The following PLAC9 variants were observed in gnomAD, a reference collection of about 807,000 sequenced individuals.
PLAC9 encodes placenta associated 9, also known as placenta-specific protein 9.
In PLAC9, 12 loss-of-function variants were observed where a neutral mutation model predicts 11.5. The observed-to-expected ratio is 1.05, with a 90% CI of 0.67 to 1.69. The LOEUF (loss-of-function observed/expected upper bound fraction) is 1.69, where lower values mean the gene tolerates loss of function less well. Ranked by LOEUF, PLAC9 falls within the 40% of genes most tolerant of loss-of-function variation. PLAC9 has a pLI of 0.00. For missense variants in PLAC9, 132 were observed against 130.5 expected, an observed-to-expected ratio of 1.01 and a Z score of -0.06; for synonymous variants, 62 against 58.1, an observed-to-expected ratio of 1.07 and a Z score of -0.31.
At chr10:80,143,212 G>T (rs369612370) in intron 2 of PLAC9, among the ~76,000 whole-genome samples, 199 of 147,678 alleles carry the variant, frequency 1.3e-3, no homozygotes, top group African/African-American at 4.9e-3. Flanking sequence ...CTAATTTTTT[G>T]TACTTACCAT....
chr10:80,132,872 C>G (rs1844929419), intron 1 of PLAC9, 46 bp downstream of exon 1: 5 of 1,425,134 alleles, frequency 3.5e-6, no homozygotes, highest in African/African-American at 1.5e-5. Context: ...GCCGGGGAGA[C>G]CCGCAGATGG....
intron 2 of PLAC9, among the ~76,000 whole-genome samples, chr10:80,143,544 G>A (rs1203174572): frequency 6.7e-6 from 1 of 150,080 alleles, no homozygotes; most frequent in African/African-American, 2.5e-5. Context: ...CTACAGACGC[G>A]CACCACCATG....
Position 80,145,047 on chromosome 10 carries a change from A to T in PLAC9, c.*137A>T. The T allele has an allele frequency of 8.6e-7, 1 of 1,157,136 alleles. No individual in the cohort carries two copies. Among genetic ancestry groups the T allele is most frequent in the Non-Finnish European group, 1.3e-6 (1 of 791,632 alleles). 71.7% of individuals were successfully genotyped at this position (1,157,136 alleles called of 1,614,324 possible). On this transcript the variant is annotated 3_prime_UTR_variant, in exon 4 of 4. Transcript: ENST00000372263. Reference sequence around the variant, plus strand: ...ATTCTGGTCTCCTCTGTGTCTGCTGACAGAGTAACCCGTTTAACTACAGCC... The same window carrying T: ...ATTCTGGTCTCCTCTGTGTCTGCTGTCAGAGTAACCCGTTTAACTACAGCC...
Position 80,145,168 on chromosome 10 carries a change from T to C in PLAC9, c.*258T>C. On this transcript the variant is annotated 3_prime_UTR_variant, in exon 4 of 4. Coordinates refer to ENST00000372263, the MANE Select transcript of PLAC9 (RefSeq NM_001012973.3). ...CACTCCTGTCATTTATAGGGGCAGA[T>C]GGAGCAGGGGTTGATTCACACAGAT... 1.6e-6 allele frequency: 1 copy of C among 631,752 alleles called. No homozygotes were observed. The highest frequency in any genetic ancestry group is 2.8e-5 in the Admixed American group (1 of 35,152). The allele number at this position is 631,752 out of a possible 1,614,324, so 39.1% of individuals were successfully genotyped here.
intron 1 of PLAC9, among the ~76,000 whole-genome samples, chr10:80,139,932 T>C (rs1845020861): frequency 6.6e-6 from 1 of 152,106 alleles, no homozygotes; most frequent in East Asian, 1.9e-4. Flanking sequence ...AACCTACTCA[T>C]AGAATTCTTG....
chr10:80,142,079 C>G lies in PLAC9; in HGVS notation c.65-3C>G. 6.2e-7 allele frequency: 1 copy of G among 1,605,080 alleles called. No individual in the cohort carries two copies. The highest frequency in any genetic ancestry group is 2.2e-5 in the East Asian group (1 of 44,516). ...CACAGTGACAAGACTTGTTTTCCCA[C>G]AGCTGCCGAACCCTTCAGCCCTCCG... On this transcript the variant is annotated splice_polypyrimidine_tract_variant and splice_region_variant and intron_variant, in intron 1 of 3. Coordinates refer to ENST00000372263, the MANE Select transcript of PLAC9 (RefSeq NM_001012973.3).
At chr10:80,135,758 A>G (rs1420506432) in intron 1 of PLAC9, among the ~76,000 whole-genome samples, 1 of 152,158 alleles carries the variant, frequency 6.6e-6, no homozygotes, top group Non-Finnish European at 1.5e-5. Flanking sequence ...CTTGAAGAAT[A>G]GTTTTCTGCT....
rs1397306239 is a variant in PLAC9, at chr10:80,132,789, C to G, written c.27C>G (p.Thr9=). 6.7e-6 allele frequency: 10 copies of G among 1,497,104 alleles called. No homozygotes were observed. The highest frequency in any genetic ancestry group is 8.8e-6 in the Non-Finnish European group (10 of 1,131,140). The allele number at this position is 1,497,104 out of a possible 1,614,324, so 92.7% of individuals were successfully genotyped here. ...TGCGGCCCCTGCTCTGCGCGCTGACCGGACTGGCCCTGCTCCGCGCCGCGG... is the reference window on the plus strand; with the variant it reads ...TGCGGCCCCTGCTCTGCGCGCTGACGGGACTGGCCCTGCTCCGCGCCGCGG... MRPLLCAL[T]GLALLRAAGS... is the part of the protein sequence containing the mutation. Residue 9 remains threonine (T), a synonymous_variant, in exon 1 of 4, where the codon ACC becomes ACG. Transcript: ENST00000372263.
chr10:80,141,619 C>A (rs3762097), intron 1 of PLAC9, among the ~76,000 whole-genome samples: 56,221 of 151,700 alleles, frequency 0.37, 11,372 homozygotes, highest in East Asian at 0.55. Context: ...AACAAACACA[C>A]AAAAAAACAA....
At position 80,145,020 on chromosome 10, in the gene PLAC9, C is replaced by A; in HGVS notation, c.*110C>A. ...TCCTTAGCTTCATGTGAAATAAAAG[C>A]TATTCTGGTCTCCTCTGTGTCTGCT... On this transcript the variant is annotated 3_prime_UTR_variant, in exon 4 of 4. Transcript: ENST00000372263. The A allele has an allele frequency of 7.5e-7, 1 of 1,339,714 alleles. No homozygotes were observed. The highest frequency in any genetic ancestry group is 1.0e-6 in the Non-Finnish European group (1 of 954,896). The allele number at this position is 1,339,714 out of a possible 1,614,324, so 83.0% of individuals were successfully genotyped here.
chr10:80,144,208 C>A lies in PLAC9; in HGVS notation c.163-15C>A. ...ACCACTTCTGTCCTCGACTTTACCC[C>A]ACTTCCCACTCTAGATGGTAGAGAA... is the stretch of plus-strand genomic sequence containing the variant. On this transcript the variant is annotated splice_polypyrimidine_tract_variant and intron_variant, in intron 2 of 3. Transcript: ENST00000372263. 4 of 1,614,124 alleles carry A rather than the reference C, an allele frequency of 2.5e-6. No homozygotes were observed. The highest frequency in any genetic ancestry group is 3.4e-6 in the Non-Finnish European group (4 of 1,180,010).
chr10:80,143,060 G>T (rs544642039), intron 2 of PLAC9, among the ~76,000 whole-genome samples: 3 of 129,596 alleles, frequency 2.3e-5, no homozygotes, highest in Non-Finnish European at 5.1e-5. Flanking sequence ...ATTTTTTTTT[G>T]ACAGAGTCTT....
chr10:80,138,444 C>T (rs1355644905), intron 1 of PLAC9, among the ~76,000 whole-genome samples: 7 of 152,134 alleles, frequency 4.6e-5, no homozygotes, highest in Non-Finnish European at 1.0e-4. Flanking sequence ...AGAGTATTTT[C>T]TAAGTTCAGT....
intron 1 of PLAC9, among the ~76,000 whole-genome samples, chr10:80,133,311 G>A (rs1844934366): frequency 6.6e-6 from 1 of 152,230 alleles, no homozygotes; most frequent in East Asian, 1.9e-4. Context: ...ATCTGGAGTG[G>A]GAGGTCACAG....
intron 1 of PLAC9, among the ~76,000 whole-genome samples, chr10:80,141,127 A>G (rs1486354177): frequency 6.6e-6 from 1 of 152,066 alleles, no homozygotes; most frequent in East Asian, 1.9e-4. Context: ...TGCTACTGAA[A>G]TATCTCCTTT....
rs1844928508 is a variant in PLAC9 at position 80,132,825 on chromosome 10, C to T, written c.63C>T (p.Ala21=). Residue 21 remains alanine, a splice_region_variant and synonymous_variant, in exon 1 of 4, where the codon GCC becomes GCT. Transcript: ENST00000372263. ...TGCTCCGCGCCGCGGGCTCTTTGGCCGGTGAGTGGGGCGCAGGGCGCGGCA... is the reference window on the plus strand; with the variant it reads ...TGCTCCGCGCCGCGGGCTCTTTGGCTGGTGAGTGGGGCGCAGGGCGCGGCA... ...LALLRAAGSL[A]AAEPFSPPRG... is the part of the protein sequence containing the mutation. 1 of 1,496,044 alleles carries T rather than the reference C, an allele frequency of 6.7e-7. No homozygotes were observed. Among genetic ancestry groups the T allele is most frequent in the Non-Finnish European group, 8.8e-7 (1 of 1,130,240 alleles). 92.7% of individuals were successfully genotyped at this position (1,496,044 alleles called of 1,614,324 possible). A position where few individuals can be genotyped will look rare whatever the true frequency, so the allele number is the denominator to read the frequency against.
chr10:80,135,898 C>T (rs1417048595), intron 1 of PLAC9, among the ~76,000 whole-genome samples: 1 of 152,046 alleles, frequency 6.6e-6, no homozygotes, highest in Non-Finnish European at 1.5e-5. Flanking sequence ...CCCCAAGTGG[C>T]CAGGGTTGCT....
chr10:80,144,392 G>GC, intron 3 of PLAC9, 49 bp downstream of exon 3: 1 of 1,529,756 alleles, frequency 6.5e-7, no homozygotes, highest in Non-Finnish European at 8.8e-7. Context: ...CTGTCATCTG[G>GC]CGCTGGGCAG....
chr10:80,136,108 G>A (rs537180137), intron 1 of PLAC9, among the ~76,000 whole-genome samples: 38 of 152,308 alleles, frequency 2.5e-4, no homozygotes, highest in African/African-American at 8.4e-4. Flanking sequence ...CAGAGGATGG[G>A]ACCCAGGGGC....
Sources: allele counts gnomAD v4.1 joint callset (sites outside exome capture counted in the v4.1 genomes callset), GRCh38; gene constraint gnomAD v4.1.1; transcripts MANE v1.5; gene names NCBI Gene and HGNC (gene_info 2026-07-23, HGNC 2026-07-21).